Variants in FBXL13 observed in about 807,000 individuals in gnomAD.
FBXL13 encodes F-box and leucine-rich repeat protein 13.
Under a neutral mutation model 83.6 loss-of-function variants are expected in FBXL13, and 67 were observed. The observed-to-expected ratio is 0.80, with a 90% CI of 0.66 to 0.98. The LOEUF is 0.98. Ranked by LOEUF, FBXL13 falls within the 50% of genes least tolerant of loss-of-function variation. The pLI is 0.00. For synonymous variants in FBXL13, 272 were observed against 299.5 expected (o/e 0.91, Z 0.95); for missense variants, 822 against 866.5 (o/e 0.95, Z 0.64).
At chr7:102,873,972 T>C (rs1386935425) in intron 16 of FBXL13, among the ~76,000 whole-genome samples, 1 of 152,194 alleles carries the variant, frequency 6.6e-6, no homozygotes, top group South Asian at 2.1e-4. Flanking sequence ...ATGTAAGTAC[T>C]AGGAAGAGGA....
chr7:102,868,657 TTTTTG>T (rs369830040), intron 16 of FBXL13, among the ~76,000 whole-genome samples: 3,667 of 152,124 alleles, frequency 0.024, 153 homozygotes, highest in African/African-American at 0.083. Context: ...CTTTGTGGTT[TTTTTG>T]TTTTGTTTTG....
At chr7:102,892,617 T>C (rs1811675113) in intron 11 of FBXL13, among the ~76,000 whole-genome samples, 1 of 152,080 alleles carries the variant, frequency 6.6e-6, no homozygotes, top group Non-Finnish European at 1.5e-5. Flanking sequence ...CCACTAGAAC[T>C]CCTCCTTATT....
At chr7:102,996,231 C>A (rs964181497) in intron 6 of FBXL13, among the ~76,000 whole-genome samples, 4 of 152,132 alleles carry the variant, frequency 2.6e-5, no homozygotes, top group African/African-American at 9.7e-5. Flanking sequence ...CATATACAAG[C>A]TTTTCTAGGC....
chr7:103,022,514 A>T (rs117553893), intron 6 of FBXL13, among the ~76,000 whole-genome samples: 1,708 of 152,134 alleles, frequency 0.011, 74 homozygotes, highest in East Asian at 0.075. Context: ...ATGGAACAGA[A>T]TAAAGAGCCC....
At chr7:102,884,257 A>C (rs747212629) in exon 12 of FBXL13, 13 of 1,613,714 alleles carry the variant, frequency 8.1e-6, no homozygotes, top group African/African-American at 1.3e-5. Context: ...ATTAATGGTA[A>C]GATGCATAAT....
At position 102,857,255 on chromosome 7, in the gene FBXL13, T is replaced by C. The variant is rs569626850; in HGVS notation, c.1636-2395A>G. Among the ~76,000 whole-genome samples, 4 of 152,146 alleles carry C rather than the reference T, an allele frequency of 2.6e-5. No individual in the cohort carries two copies. The East Asian group carries it at 7.7e-4, about 29-fold the overall frequency. On this transcript the variant is annotated intron_variant, in intron 16 of 19. Coordinates refer to ENST00000313221, the Ensembl canonical transcript of FBXL13. The stretch of plus-strand genomic sequence containing the variant: ...GGATGATATCAAACTAAAAAGATTA[T>C]ACACAACAAAGGAAACAATAAACAA...
At chr7:103,015,204 G>C (rs927118942) in intron 6 of FBXL13, among the ~76,000 whole-genome samples, 1 of 152,016 alleles carries the variant, frequency 6.6e-6, no homozygotes, top group Non-Finnish European at 1.5e-5. Flanking sequence ...CAAATAATAA[G>C]AGCCATTTAT....
intron 6 of FBXL13, among the ~76,000 whole-genome samples, chr7:102,991,028 G>C (rs1231296698): frequency 6.6e-6 from 1 of 151,918 alleles, no homozygotes; most frequent in African/African-American, 2.4e-5. Context: ...TGAAAAATAA[G>C]TCAGGTGGTC....
At chr7:102,826,227 G>A (rs116882889) in intron 18 of FBXL13, among the ~76,000 whole-genome samples, 480 of 152,142 alleles carry the variant, frequency 3.2e-3, no homozygotes, top group Non-Finnish European at 4.4e-3. Context: ...GAAAAAACCC[G>A]CCTTGAAGAT....
At chr7:103,022,897 T>C (rs1793375729) in intron 6 of FBXL13, among the ~76,000 whole-genome samples, 1 of 152,182 alleles carries the variant, frequency 6.6e-6, no homozygotes, top group East Asian at 1.9e-4. Context: ...ACCTATAGAA[T>C]GGTATAAAAC....
chr7:102,954,256 T>A (rs113292178), intron 8 of FBXL13, among the ~76,000 whole-genome samples: 2,320 of 152,102 alleles, frequency 0.015, 49 homozygotes, highest in African/African-American at 0.053. Flanking sequence ...TTAAAGAAAA[T>A]AATTTTCAAC....
At chr7:102,884,410 GT>G in intron 11 of FBXL13, 98 bp from the exon 13 acceptor site, 1 of 843,060 alleles carries the variant, frequency 1.2e-6, no homozygotes, top group East Asian at 2.6e-5. Context: ...TTGTTACTAT[GT>G]TTTAAAATTA....
chr7:103,016,842 T>G (rs1292110584), intron 6 of FBXL13, among the ~76,000 whole-genome samples: 2 of 152,104 alleles, frequency 1.3e-5, no homozygotes, highest in East Asian at 3.9e-4. Context: ...TCGAACTGGG[T>G]AGAGCCCACC....
chr7:102,813,903 C>T (rs943656446), intron 19 of FBXL13, among the ~76,000 whole-genome samples: 1 of 152,062 alleles, frequency 6.6e-6, no homozygotes, highest in Non-Finnish European at 1.5e-5. Flanking sequence ...TGAAGGCTGA[C>T]CATGCACCAG....
chr7:103,030,004 A>G (rs1794337371), intron 2 of FBXL13: 1 of 152,180 alleles, frequency 6.6e-6, no homozygotes, highest in South Asian at 2.1e-4. Context: ...TAATAAGTAA[A>G]GATATTATTA....
intron 10 of FBXL13, among the ~76,000 whole-genome samples, chr7:102,921,489 G>T (rs1817012224): frequency 6.6e-6 from 1 of 151,908 alleles, no homozygotes; most frequent in Non-Finnish European, 1.5e-5. Context: ...AGACCAGCCT[G>T]GCCAATGTGG....
At chr7:103,050,372 C>T (rs184752099) in intron 2 of FBXL13, among the ~76,000 whole-genome samples, 6 of 152,328 alleles carry the variant, frequency 3.9e-5, no homozygotes, top group East Asian at 1.9e-4. Flanking sequence ...GCCACACCAT[C>T]GCCCTGGGGG....
At chr7:102,939,726 T>A in intron 8 of FBXL13, 1 of 772,854 alleles carries the variant, frequency 1.3e-6, no homozygotes, top group South Asian at 2.7e-5. Context: ...AACATGACAC[T>A]TATACTAGGA....
intron 6 of FBXL13, among the ~76,000 whole-genome samples, chr7:103,003,065 C>T (rs1168029008): frequency 1.3e-5 from 2 of 152,052 alleles, no homozygotes; most frequent in Non-Finnish European, 2.9e-5. Flanking sequence ...TTCTCTATAT[C>T]TTGTAGGCAT....
Sources: allele counts gnomAD v4.1 joint callset (sites outside exome capture counted in the v4.1 genomes callset), GRCh38; gene constraint gnomAD v4.1.1; transcripts MANE v1.5; gene names NCBI Gene and HGNC (gene_info 2026-07-23, HGNC 2026-07-21).